GPATCH8: variants seen among roughly 807,000 people sequenced by gnomAD.
The protein encoded by GPATCH8 is G patch domain-containing protein 8.
GPATCH8 carries 18 observed loss-of-function variants against 118.3 expected under a neutral mutation model. The ratio of observed to expected loss-of-function variants is 0.15; its 90% CI spans 0.11 to 0.23. GPATCH8 has a LOEUF of 0.23. Ranked by LOEUF, GPATCH8 falls within the 10% of genes least tolerant of loss-of-function variation. The probability of loss-of-function intolerance (pLI) is 1.00; values close to 1 mark genes in which losing one functional copy is unlikely to be tolerated. For synonymous variants in GPATCH8, 659 were observed against 684.7 expected, an observed-to-expected ratio of 0.96 and a Z score of 0.59; for missense variants, 1,631 against 1,873.8, an observed-to-expected ratio of 0.87 and a Z score of 2.39.
chr17:44,492,091 A>C (rs574469667), intron 1 of GPATCH8, among the ~76,000 whole-genome samples: 26 of 151,398 alleles, frequency 1.7e-4, no homozygotes, highest in Non-Finnish European at 3.5e-4. Flanking sequence ...CCTGAGGTCA[A>C]GAGTTCAAGA....
chr17:44,463,015 TA>T, intron 3 of GPATCH8, among the ~76,000 whole-genome samples: 1 of 151,252 alleles, frequency 6.6e-6, no homozygotes, highest in East Asian at 1.9e-4. Context: ...AATAAATAAA[TA>T]AATAACTGAA....
At position 44,401,024 on chromosome 17, in the gene GPATCH8, C is replaced by T; in HGVS notation, c.1053G>A (p.Gly351=). The T allele has an allele frequency of 6.2e-7, 1 of 1,614,016 alleles. No homozygotes were observed. Among genetic ancestry groups the T allele is most frequent in the South Asian group, 1.1e-5 (1 of 91,080 alleles). Residue 351 remains glycine, a synonymous_variant, in exon 8 of 8, where the codon GGG becomes GGA. Coordinates refer to ENST00000591680, the MANE Select transcript of GPATCH8 (RefSeq NM_001002909.4). ...QGLQKVGDSD[G]SSNLDGKKED... is the part of the protein sequence containing the mutation. ...CTTTTTTACCATCAAGATTACTGCT[C>T]CCATCAGAGTCTCCTACCTTCTGCA...
intron 3 of GPATCH8, among the ~76,000 whole-genome samples, chr17:44,450,263 C>A (rs568929539): frequency 7.9e-5 from 12 of 152,296 alleles, no homozygotes; most frequent in African/African-American, 2.9e-4. Context: ...GAACATTTCA[C>A]AGAAAAGGAA....
rs372666343 is a variant in GPATCH8 at position 44,434,624 on chromosome 17, G to A, written c.348+441C>T. Among the ~76,000 whole-genome samples, 6 of 152,202 alleles carry A rather than the reference G, an allele frequency of 3.9e-5. No individual in the cohort carries two copies. The East Asian group carries it at 7.7e-4, about 20-fold the overall frequency. The stretch of plus-strand genomic sequence containing the variant: ...GGAGGCCGAGGCGGGTGGATCACAA[G>A]GTCAGGAGTTCGAGACCAGCCTGAC... On this transcript the variant is annotated intron_variant, in intron 5 of 7. Transcript: ENST00000591680.
At chr17:44,403,549 A>G (rs918101303) in intron 7 of GPATCH8, among the ~76,000 whole-genome samples, 1 of 152,140 alleles carries the variant, frequency 6.6e-6, no homozygotes, top group Admixed American at 6.5e-5. Context: ...TACACTATAC[A>G]GCGTACACTA....
At chr17:44,448,541 GA>G (rs1256237695) in intron 3 of GPATCH8, among the ~76,000 whole-genome samples, 6 of 28,402 alleles carry the variant, frequency 2.1e-4, no homozygotes, top group African/African-American at 4.7e-4. Flanking sequence ...GAAGAAGGAA[GA>G]AGAAGAGGAA....
chr17:44,458,094 A>C (rs2051404388), intron 3 of GPATCH8, among the ~76,000 whole-genome samples: 1 of 151,242 alleles, frequency 6.6e-6, no homozygotes, highest in South Asian at 2.1e-4. Flanking sequence ...ATTTCAAAAA[A>C]AAAAAAAAAA....
intron 5 of GPATCH8, among the ~76,000 whole-genome samples, chr17:44,425,374 A>T (rs1567970242): frequency 6.6e-6 from 1 of 152,248 alleles, no homozygotes; most frequent in African/African-American, 2.4e-5. Flanking sequence ...AGAGCTACTT[A>T]ATCAGTAAAC....
At chr17:44,457,457 G>A (rs902714568) in intron 3 of GPATCH8, among the ~76,000 whole-genome samples, 4 of 152,140 alleles carry the variant, frequency 2.6e-5, no homozygotes, top group Non-Finnish European at 4.4e-5. Context: ...TTAAAACGAT[G>A]TGTGAGATGT....
chr17:44,400,872 C>A lies in GPATCH8; in HGVS notation c.1205G>T (p.Cys402Phe). Reference protein sequence around the residue: ...EYYHYIPPAHCKVKPNFPFLL... With the variant: ...EYYHYIPPAHFKVKPNFPFLL... ...AAAGGGAAAATTAGGTTTTACTTTGCAGTGTGCTGGGGGGATGTAGTGGTA... is the reference window on the plus strand; with the variant it reads ...AAAGGGAAAATTAGGTTTTACTTTGAAGTGTGCTGGGGGGATGTAGTGGTA... Residue 402 changes from cysteine (C) to phenylalanine (F), a missense_variant, in exon 8 of 8, where the codon TGC becomes TTC. Transcript: ENST00000591680. The A allele has an allele frequency of 1.2e-6, 2 of 1,613,870 alleles. No individual in the cohort carries two copies. Among genetic ancestry groups the A allele is most frequent in the Non-Finnish European group, 1.7e-6 (2 of 1,179,742 alleles).
chr17:44,458,773 C>T (rs2051437941), intron 3 of GPATCH8, among the ~76,000 whole-genome samples: 1 of 152,200 alleles, frequency 6.6e-6, no homozygotes, highest in African/African-American at 2.4e-5. Flanking sequence ...ATCTTCCCAC[C>T]TTGGCCTCCC....
chr17:44,429,693 CA>C (rs1424150550), intron 5 of GPATCH8, among the ~76,000 whole-genome samples: 16 of 147,048 alleles, frequency 1.1e-4, no homozygotes, highest in African/African-American at 2.6e-4. Flanking sequence ...CACAAAACAA[CA>C]AACAAACAAA....
At chr17:44,467,122 A>G in intron 2 of GPATCH8, 5 of 1,245,598 alleles carry the variant, frequency 4.0e-6, no homozygotes, top group Non-Finnish European at 5.3e-6. Flanking sequence ...GGGCTGTCAA[A>G]AGAACAGTTA....
At chr17:44,463,657 G>C (rs371921650) in intron 3 of GPATCH8, among the ~76,000 whole-genome samples, 1 of 152,352 alleles carries the variant, frequency 6.6e-6, no homozygotes, top group East Asian at 1.9e-4. Flanking sequence ...TGGGATTACA[G>C]GCGTGAGCCA....
chr17:44,427,794 G>A (rs557747100), intron 5 of GPATCH8, among the ~76,000 whole-genome samples: 9 of 152,224 alleles, frequency 5.9e-5, no homozygotes, highest in African/African-American at 1.4e-4. Flanking sequence ...AATGGAAGAG[G>A]AAAGAAGAGA....
In GPATCH8 at chr17:44,398,235, C is replaced by A. The variant is rs1176282962; in HGVS notation, c.3842G>T (p.Ser1281Ile). 4 of 1,612,782 alleles carry A rather than the reference C, an allele frequency of 2.5e-6. No homozygotes were observed. The highest frequency in any genetic ancestry group is 3.4e-6 in the Non-Finnish European group (4 of 1,179,234). The change falls in exon 8 of 8, where the codon AGT (serine) becomes ATT (isoleucine). Residue 1281 changes from serine to isoleucine, a missense_variant. Ser to Ile is a moderately radical substitution (Grantham distance 142). Around this residue, in one of 8 missense-constraint regions of GPATCH8, gnomAD observed 922 missense variants for 879.7 expected, o/e 1.05. Coordinates refer to ENST00000591680, the MANE Select transcript of GPATCH8 (RefSeq NM_001002909.4). The part of the protein sequence containing the change: ...PIAPDLEHFP[S>I]YAPPSGDPSI... ...AGGATCCCCACTGGGAGGTGCATAA[C>A]TGGGGAAATGCTCAAGGTCTGGTGC...
intron 1 of GPATCH8, among the ~76,000 whole-genome samples, chr17:44,497,543 G>A (rs147742644): frequency 2.0e-5 from 3 of 152,046 alleles, no homozygotes; most frequent in East Asian, 1.9e-4. Context: ...AGCCATGATC[G>A]CGTCACTGCA....
chr17:44,478,006 G>C (rs1239971248), intron 1 of GPATCH8, among the ~76,000 whole-genome samples: 2 of 35,244 alleles, frequency 5.7e-5, no homozygotes, highest in African/African-American at 1.1e-4. Context: ...GATGGGGTGG[G>C]GGGTGGGGGG....
At chr17:44,413,429 C>T (rs138155788) in intron 6 of GPATCH8, among the ~76,000 whole-genome samples, 1 of 152,100 alleles carries the variant, frequency 6.6e-6, no homozygotes, top group Non-Finnish European at 1.5e-5. Context: ...CACCACCATG[C>T]CCGGCTAATT....
Sources: allele counts gnomAD v4.1 joint callset (sites outside exome capture counted in the v4.1 genomes callset), GRCh38; gene constraint gnomAD v4.1.1; regional missense constraint gnomAD v4.1.1; transcripts MANE v1.5; gene names NCBI Gene and HGNC (gene_info 2026-07-23, HGNC 2026-07-21).